GABRR3: variants seen among roughly 807,000 people sequenced by gnomAD.
GABRR3 encodes the protein gamma-aminobutyric acid type A receptor subunit rho3.
In GABRR3, 29 loss-of-function variants were observed where a neutral mutation model predicts 43.2. The observed-to-expected ratio is 0.67, with a 90% confidence interval of 0.50 to 0.92. GABRR3 has a LOEUF of 0.92. Ranked by LOEUF, GABRR3 falls within the 40% of genes least tolerant of loss-of-function variation. The pLI is 0.00. For missense variants in GABRR3, 576 were observed against 572.3 expected (o/e 1.01, Z -0.07); for synonymous variants, 206 against 195.9 (o/e 1.05, Z -0.43).
At chr3:98,010,046 TG>T (rs1353184736) in intron 5 of GABRR3, among the ~76,000 whole-genome samples, 1 of 152,200 alleles carries the variant, frequency 6.6e-6, no homozygotes, top group African/African-American at 2.4e-5. Flanking sequence ...GGATTGGCTC[TG>T]CTGTTGGCTG....
intron 2 of GABRR3, among the ~76,000 whole-genome samples, chr3:98,032,119 A>G (rs560033360): frequency 2.1e-5 from 3 of 140,692 alleles, no homozygotes; most frequent in African/African-American, 7.9e-5. Context: ...ATAGTATAGT[A>G]TAGTAATGGT....
At chr3:98,017,878 T>C (rs1474237030) in intron 3 of GABRR3, 156 bp from the exon 4 acceptor site, 2 of 154,592 alleles carry the variant, frequency 1.3e-5, no homozygotes, top group African/African-American at 4.8e-5. Flanking sequence ...AATCAGTTAT[T>C]ATATACTCAA....
At chr3:97,992,781 G>T in intron 9 of GABRR3, 71 bp downstream of exon 9, 1 of 1,380,246 alleles carries the variant, frequency 7.2e-7, no homozygotes, top group Non-Finnish European at 9.9e-7. Flanking sequence ...ACACTGTCAA[G>T]AGAGGGCAAT....
intron 6 of GABRR3, among the ~76,000 whole-genome samples, chr3:98,008,323 C>T (rs747575865): frequency 1.3e-5 from 2 of 152,176 alleles, no homozygotes; most frequent in Non-Finnish European, 2.9e-5. Context: ...GCCAATCTTA[C>T]AAGAAATTTT....
Position 98,018,343 on chromosome 3 carries a change from C to A in GABRR3, c.239-621G>T, listed in dbSNP as rs536165142. On this transcript the variant is annotated intron_variant, in intron 3 of 9. Transcript: ENST00000621172. ...GTGTCCCTTTGCAGATCAGCAGCAA[C>A]CACAGGCTGCATTTGTGAAGAAGCA... is the stretch of plus-strand genomic sequence containing the variant. Among the ~76,000 whole-genome samples, 43 of 152,298 alleles carry A rather than the reference C, an allele frequency of 2.8e-4. 1 individual carries two copies. The highest frequency in any genetic ancestry group is 9.9e-4 in the African/African-American group (41 of 41,566).
intron 5 of GABRR3, 56 bp from the exon 6 acceptor site, chr3:98,009,094 G>A (rs936749138): frequency 7.1e-6 from 8 of 1,124,530 alleles, no homozygotes; most frequent in South Asian, 2.7e-5. Flanking sequence ...CTGGCCAAAT[G>A]AGCATGCAAC....
chr3:98,025,829 T>C, intron 2 of GABRR3, 150 bp from the exon 3 acceptor site: 1 of 557,690 alleles, frequency 1.8e-6, no homozygotes, highest in South Asian at 2.7e-5. Flanking sequence ...CAAAGAGCTG[T>C]CAACATTTGT....
chr3:97,985,970 G>C (rs1706381135), downstream of GABRR3, among the ~76,000 whole-genome samples: 1 of 152,038 alleles, frequency 6.6e-6, no homozygotes, highest in Non-Finnish European at 1.5e-5. Flanking sequence ...ATGTTAAAGT[G>C]ATTCTCCTGC....
At position 98,017,666 on chromosome 3, in the gene GABRR3, C is replaced by T. The variant is rs746346442; in HGVS notation, c.295G>A (p.Glu99Lys). The change falls in exon 4 of 10, where the codon GAG becomes AAG. Residue 99 changes from glutamate to lysine, a missense_variant. Coordinates refer to ENST00000621172, the Ensembl canonical transcript of GABRR3. ...ATGAAGAAACTTACCATGTTAGTCTCTGAAATGCTGTCAATGCTTTCAACA... is the reference window on the plus strand; with the variant it reads ...ATGAAGAAACTTACCATGTTAGTCTTTGAAATGCTGTCAATGCTTTCAACA... The T allele has an allele frequency of 5.0e-6, 8 of 1,609,754 alleles. No individual in the cohort carries two copies. In the East Asian group the frequency reaches 1.8e-4, roughly 36 times the overall value.
intron 4 of GABRR3, among the ~76,000 whole-genome samples, chr3:98,013,548 C>T (rs867808246): frequency 6.6e-6 from 1 of 152,148 alleles, no homozygotes; most frequent in Non-Finnish European, 1.5e-5. Context: ...CAACACTAAT[C>T]AAATTTTTCT....
intron 3 of GABRR3, among the ~76,000 whole-genome samples, chr3:98,022,497 G>A (rs1706960287): frequency 6.6e-6 from 1 of 152,188 alleles, no homozygotes; most frequent in African/African-American, 2.4e-5. Context: ...CATAAAGAAA[G>A]AAGATAAATT....
chr3:98,035,087 T>C (rs832070), intron 1 of GABRR3, 98 bp from the exon 2 acceptor site: 690,041 of 1,392,666 alleles, frequency 0.5, 172,236 homozygotes, highest in Admixed American at 0.57. Context: ...AAACAGCATG[T>C]CAGGGGAAAT....
intron 3 of GABRR3, among the ~76,000 whole-genome samples, chr3:98,023,946 A>G (rs1003088270): frequency 6.6e-6 from 1 of 152,228 alleles, no homozygotes; most frequent in Non-Finnish European, 1.5e-5. Flanking sequence ...GGCCCCACCC[A>G]GATCTAGTGG....
intron 2 of GABRR3, 38 bp from the exon 3 acceptor site, chr3:98,025,717 C>G (rs951725288): frequency 1.2e-5 from 16 of 1,333,702 alleles, no homozygotes; most frequent in South Asian, 2.5e-5. Flanking sequence ...TTCTGAGATA[C>G]ATATGCTTCT....
rs184961589 is a variant in GABRR3 at position 98,002,070 on chromosome 3, C to T, written c.755-303G>A. Among the ~76,000 whole-genome samples, 35 of 152,072 alleles carry T rather than the reference C, an allele frequency of 2.3e-4. 1 individual carries two copies. Among genetic ancestry groups the T allele is most frequent in the Admixed American group, 2.0e-3 (30 of 15,252 alleles). On this transcript the variant is annotated intron_variant, in intron 7 of 9. Transcript: ENST00000621172. ...GTCTCCACAATATATTGTATTGTGG[C>T]GTTTCTGCAAGAGGGAAAGTCTTCA...
At chr3:98,035,124 T>C (rs1023671634) in intron 1 of GABRR3, 66 bp downstream of exon 1, 17 of 1,021,196 alleles carry the variant, frequency 1.7e-5, no homozygotes, top group Admixed American at 2.6e-5. Flanking sequence ...AAAGACATTG[T>C]CTTCAATGCT....
rs376299954 is a variant in GABRR3 at position 98,019,470 on chromosome 3, C to T, written c.239-1748G>A. On this transcript the variant is annotated intron_variant, in intron 3 of 9. Coordinates refer to ENST00000621172, the Ensembl canonical transcript of GABRR3. The stretch of plus-strand genomic sequence containing the variant: ...TTCAAGGGTTTCAGGTGGCCAGGCA[C>T]AGGGATGGCATGCAAATATATTCCT... Among the ~76,000 whole-genome samples the T allele has an allele frequency of 1.6e-4, 25 of 152,252 alleles. No individual in the cohort carries two copies. The East Asian group carries it at 2.5e-3, about 15-fold the overall frequency.
downstream of GABRR3, among the ~76,000 whole-genome samples, chr3:97,986,295 G>A (rs1218043969): frequency 6.6e-6 from 1 of 152,190 alleles, no homozygotes; most frequent in Non-Finnish European, 1.5e-5. Context: ...GGACGGTTGA[G>A]CTCTGGTAGA....
chr3:97,985,347 G>A (rs1457178022), downstream of GABRR3, among the ~76,000 whole-genome samples: 2 of 152,160 alleles, frequency 1.3e-5, no homozygotes, highest in Non-Finnish European at 2.9e-5. Context: ...AAGATATTAA[G>A]GATTACTATG....
Sources: allele counts gnomAD v4.1 joint callset (sites outside exome capture counted in the v4.1 genomes callset), GRCh38; gene constraint gnomAD v4.1.1; transcripts MANE v1.5; gene names NCBI Gene and HGNC (gene_info 2026-07-23, HGNC 2026-07-21).